Variants in MMAA observed in about 807,000 individuals in gnomAD.
MMAA encodes metabolism of cobalamin associated A.
A neutral mutation model predicts 45.0 loss-of-function variants in MMAA; 41 were observed. The ratio of observed to expected loss-of-function variants is 0.91; its 90% confidence interval spans 0.71 to 1.18. The LOEUF (loss-of-function observed/expected upper bound fraction) is 1.18, where lower values mean the gene tolerates loss of function less well. Among genes scored for constraint, MMAA ranks in the 50% most tolerant of loss-of-function variants. The pLI is 0.00. For synonymous variants in MMAA, 154 were observed against 178.2 expected (o/e 0.86, Z 1.08); for missense variants, 460 against 495.7 (o/e 0.93, Z 0.68).
chr4:145,624,581 T>G, intron 1 of MMAA: 1 of 1,248,044 alleles, frequency 8.0e-7, no homozygotes, highest in Non-Finnish European at 1.2e-6. Flanking sequence ...CCAGCAATTC[T>G]AGAAGGAACC....
chr4:145,629,783 C>T (rs529974672), intron 1 of MMAA, among the ~76,000 whole-genome samples: 4 of 152,242 alleles, frequency 2.6e-5, no homozygotes, highest in African/African-American at 9.6e-5. Flanking sequence ...CAGGGAGACT[C>T]CTGTTTTTAA....
chr4:145,655,882 G>C lies in MMAA; in HGVS notation c.*448G>C, dbSNP rs1179486189. ...TTGCTAAGAGCCGACAATCATAATT[G>C]ACATTTAGTGTACCAGATTATTCTA... On this transcript the variant is annotated 3_prime_UTR_variant, in exon 7 of 7. Coordinates refer to ENST00000649156, the MANE Select transcript of MMAA (RefSeq NM_172250.3). 6.5e-6 allele frequency: 1 copy of C among 154,024 alleles called. No individual in the cohort carries two copies. Among genetic ancestry groups the C allele is most frequent in the African/African-American group, 2.4e-5 (1 of 41,434 alleles). 9.5% of individuals were successfully genotyped at this position (154,024 alleles called of 1,614,324 possible).
chr4:145,654,014 C>T lies in MMAA; in HGVS notation c.840C>T (p.Ile280=), dbSNP rs750509072. 7.4e-6 allele frequency: 12 copies of T among 1,613,966 alleles called. No homozygotes were observed. The East Asian group carries it at 8.9e-5, about 12-fold the overall frequency. Reference sequence around the variant, plus strand: ...TTTAGGGTATCAAAAGGGGTATAATCGAGATGGCAGATCTGGTAGCTGTAA... The same window carrying T: ...TTTAGGGTATCAAAAGGGGTATAATTGAGATGGCAGATCTGGTAGCTGTAA... The part of the protein sequence containing the change: ...DELQGIKRGI[I]EMADLVAVTK... Residue 280 remains isoleucine, a synonymous_variant, in exon 6 of 7, where the codon ATC becomes ATT. Transcript: ENST00000649156.
In MMAA at chr4:145,639,686, A is replaced by G. The variant is rs4835012; in HGVS notation, c.439+108A>G. The G allele has an allele frequency of 0.2, 285,314 of 1,457,248 alleles. 31,272 individuals carry two copies. Among genetic ancestry groups the G allele is most frequent in the African/African-American group, 0.45 (31,258 of 69,656 alleles). 90.3% of individuals were successfully genotyped at this position (1,457,248 alleles called of 1,614,324 possible). ...TTGCAATCGAATGGCGACTTTTTTC[A>G]CAATATTTGGATGAATTTTAAATGA... On this transcript the variant is annotated intron_variant, in intron 2 of 6. Transcript: ENST00000649156.
Position 145,651,157 on chromosome 4 carries a change from T to A in MMAA, c.819+10T>A, listed in dbSNP as rs1202834297. The A allele has an allele frequency of 2.5e-6, 4 of 1,610,842 alleles. No individual in the cohort carries two copies. Among genetic ancestry groups the A allele is most frequent in the Non-Finnish European group, 3.4e-6 (4 of 1,177,384 alleles). On this transcript the variant is annotated intron_variant, in intron 5 of 6. Coordinates refer to ENST00000649156, the MANE Select transcript of MMAA (RefSeq NM_172250.3). ...AGGAGATGAGCTGCAGGTAATTATT[T>A]TTATTTTTTCCCCCAAAAATATAAA...
At chr4:145,651,249 G>A in intron 5 of MMAA, 102 bp downstream of exon 5, 1 of 981,596 alleles carries the variant, frequency 1.0e-6, no homozygotes, top group South Asian at 1.4e-5. Context: ...TAATGGTTTA[G>A]AAAATGAAAT....
chr4:145,649,596 T>C (rs1728033285), intron 4 of MMAA, among the ~76,000 whole-genome samples: 1 of 152,196 alleles, frequency 6.6e-6, no homozygotes, highest in South Asian at 2.1e-4. Flanking sequence ...TAATGACTGT[T>C]GCTTTGACTC....
In MMAA at chr4:145,658,106, C is replaced by G; in HGVS notation, c.*2672C>G. ...TCATATGACATGCCTGCTCCCCTTTCACCTTCTGCCATGATTGTAAGCTTC... is the reference window on the plus strand; with the variant it reads ...TCATATGACATGCCTGCTCCCCTTTGACCTTCTGCCATGATTGTAAGCTTC... On this transcript the variant is annotated 3_prime_UTR_variant, in exon 7 of 7. Coordinates refer to ENST00000649156, the MANE Select transcript of MMAA (RefSeq NM_172250.3). 6.5e-6 allele frequency: 1 copy of G among 153,384 alleles called. No homozygotes were observed. The highest frequency in any genetic ancestry group is 6.5e-5 in the Admixed American group (1 of 15,308). The allele number at this position is 153,384 out of a possible 1,614,324, so 9.5% of individuals were successfully genotyped here. A position where few individuals can be genotyped will look rare whatever the true frequency, so the allele number is the denominator to read the frequency against.
intron 2 of MMAA, among the ~76,000 whole-genome samples, chr4:145,640,201 G>A (rs1727741526): frequency 6.6e-6 from 1 of 151,654 alleles, no homozygotes; most frequent in Non-Finnish European, 1.5e-5. Context: ...CTGCCTCCTG[G>A]GTTCAGGTTC....
chr4:145,648,179 G>A (rs929169987), intron 4 of MMAA, among the ~76,000 whole-genome samples: 12 of 136,232 alleles, frequency 8.8e-5, no homozygotes, highest in South Asian at 4.6e-4. Flanking sequence ...ACAGAGTCTC[G>A]CTCTGTTGTC....
intron 1 of MMAA, among the ~76,000 whole-genome samples, chr4:145,631,308 C>G (rs1727422074): frequency 6.6e-6 from 1 of 152,160 alleles, no homozygotes; most frequent in South Asian, 2.1e-4. Context: ...AATATTTGCT[C>G]TGTATATCTG....
intron 1 of MMAA, among the ~76,000 whole-genome samples, chr4:145,626,506 T>A (rs1734208838): frequency 6.6e-6 from 1 of 152,130 alleles, no homozygotes; most frequent in African/African-American, 2.4e-5. Context: ...AACTTAGCAC[T>A]CGAAATAGAA....
intron 1 of MMAA, among the ~76,000 whole-genome samples, chr4:145,620,399 C>G (rs368128385): frequency 6.6e-6 from 1 of 152,270 alleles, no homozygotes; most frequent in East Asian, 1.9e-4. Context: ...GGTGAATGCT[C>G]GAAACATTTA....
intron 1 of MMAA, chr4:145,625,324 C>T: frequency 2.8e-6 from 2 of 712,000 alleles, no homozygotes; most frequent in South Asian, 2.7e-5. Flanking sequence ...TGGAAGAAGT[C>T]TGTCTATTCT....
At chr4:145,635,562 A>G (rs1264236482) in intron 1 of MMAA, among the ~76,000 whole-genome samples, 2 of 152,236 alleles carry the variant, frequency 1.3e-5, no homozygotes, top group African/African-American at 2.4e-5. Flanking sequence ...GTATTCTGCT[A>G]TCGTGCTCTG....
At chr4:145,626,035 T>C in intron 1 of MMAA, 2 of 1,285,548 alleles carry the variant, frequency 1.6e-6, no homozygotes, top group South Asian at 1.3e-5. Context: ...AAGGTATTCA[T>C]TCTGCTCACA....
intron 5 of MMAA, among the ~76,000 whole-genome samples, chr4:145,651,514 G>A (rs936843685): frequency 6.6e-6 from 1 of 152,138 alleles, no homozygotes; most frequent in Admixed American, 6.5e-5. Context: ...TGTACAATGA[G>A]ATTCTTACTC....
chr4:145,632,393 T>G (rs1727468600), intron 1 of MMAA, among the ~76,000 whole-genome samples: 1 of 152,186 alleles, frequency 6.6e-6, no homozygotes, highest in Non-Finnish European at 1.5e-5. Context: ...CCATTGTATG[T>G]TGTTTGTTTC....
At position 145,657,899 on chromosome 4, in the gene MMAA, A is replaced by G. The variant is rs978538337; in HGVS notation, c.*2465A>G. The G allele has an allele frequency of 3.3e-5, 5 of 152,202 alleles. No homozygotes were observed. The highest frequency in any genetic ancestry group is 1.9e-4 in the East Asian group (1 of 5,208). 9.4% of individuals were successfully genotyped at this position (152,202 alleles called of 1,614,324 possible). Reference sequence around the variant, plus strand: ...GTCTCATGTTGAAATGTAATCCCCAATCTTGGAGGTGGAGCCTGGTGGGAG... The same window carrying G: ...GTCTCATGTTGAAATGTAATCCCCAGTCTTGGAGGTGGAGCCTGGTGGGAG... On this transcript the variant is annotated 3_prime_UTR_variant, in exon 7 of 7. Transcript: ENST00000649156.
Sources: gnomAD v4.1 joint callset for allele counts (sites outside exome capture counted in the v4.1 genomes callset) on GRCh38, gnomAD v4.1.1 for gene constraint, MANE v1.5 for transcripts, NCBI Gene and HGNC (gene_info 2026-07-23, HGNC 2026-07-21) for gene names.